The following BRINP1 variants were observed in gnomAD, a reference collection of about 807,000 sequenced individuals.
BRINP1 encodes BMP/retinoic acid inducible neural specific 1.
A neutral mutation model predicts 72.9 loss-of-function variants in BRINP1; 17 were observed. The ratio of observed to expected loss-of-function variants is 0.23; its 90% CI spans 0.16 to 0.35. The LOEUF is 0.35. Among genes scored for constraint, BRINP1 ranks in the 10% least tolerant of loss-of-function variants. The pLI is 1.00. For missense variants in BRINP1, 850 were observed against 1,001.6 expected, an observed-to-expected ratio of 0.85 and a Z score of 2.04; for synonymous variants, 418 against 378.5, an observed-to-expected ratio of 1.10 and a Z score of -1.21.
chr9:119,174,977 G>A (rs972648217), intron 7 of BRINP1, among the ~76,000 whole-genome samples: 1 of 150,130 alleles, frequency 6.7e-6, no homozygotes, highest in Non-Finnish European at 1.5e-5. Context: ...TGGGGTGGGG[G>A]GAGGAGGGAG....
At chr9:119,351,956 C>A (rs1263126234) in intron 1 of BRINP1, among the ~76,000 whole-genome samples, 2 of 152,040 alleles carry the variant, frequency 1.3e-5, no homozygotes, top group Non-Finnish European at 2.9e-5. Context: ...CAGGCATCCA[C>A]CACCATGCCC....
chr9:119,332,856 T>C (rs534500851), intron 1 of BRINP1, among the ~76,000 whole-genome samples: 1 of 152,104 alleles, frequency 6.6e-6, no homozygotes, highest in African/African-American at 2.4e-5. Flanking sequence ...AGCCAATGAA[T>C]TGGGTGAGGT....
rs376844874 is a variant in BRINP1, at chr9:119,167,633, G to A, written c.1737C>T (p.Phe579=). ...GSHSEGWNMP[F]GEFGYPRWEK... is the part of the protein sequence containing the mutation. ...CCCAGCGTGGGTAGCCAAATTCCCC[G>A]AAGGGCATGTTCCAGCCCTCCGAAT... The change falls in exon 8 of 8, where the codon TTC becomes TTT. Residue 579 remains phenylalanine, a synonymous_variant. Coordinates refer to ENST00000265922, the MANE Select transcript of BRINP1 (RefSeq NM_014618.3). The surrounding 1 kb of genome is among the most constrained non-coding windows in gnomAD (Gnocchi z 4.3). The A allele has an allele frequency of 1.5e-5, 25 of 1,613,954 alleles. No homozygotes were observed. Among genetic ancestry groups the A allele is most frequent in the South Asian group, 1.3e-4 (12 of 91,086 alleles).
At chr9:119,325,144 G>A (rs1177568440) in intron 1 of BRINP1, among the ~76,000 whole-genome samples, 1 of 151,902 alleles carries the variant, frequency 6.6e-6, no homozygotes, top group Non-Finnish European at 1.5e-5. Context: ...AAGAGAGAAA[G>A]AGAGAAAGAG....
At position 119,344,337 on chromosome 9, in the gene BRINP1, C is replaced by T. The variant is rs180672696; in HGVS notation, c.-51+24719G>A. Among the ~76,000 whole-genome samples the T allele has an allele frequency of 2.0e-5, 3 of 152,216 alleles. No homozygotes were observed. The East Asian group carries it at 5.8e-4, about 29-fold the overall frequency. ...ATACATATAAATACATATGTATAAA[C>T]ACACACACATAGTCTAGCACTCTCA... On this transcript the variant is annotated intron_variant, in intron 1 of 7. Transcript: ENST00000265922.
chr9:119,167,807 G>T lies in BRINP1; in HGVS notation c.1563C>A (p.Arg521=). ...RLDTFFDPRW[R]KRMSLTLKSN... is the part of the protein sequence containing the mutation. ...TCTTGAGAGTGAGGGACATGCGCTT[G>T]CGCCACCGAGGGTCAAAGAAGGTGT... The change falls in exon 8 of 8, where the codon CGC becomes CGA. Residue 521 remains arginine, a synonymous_variant. Coordinates refer to ENST00000265922, the MANE Select transcript of BRINP1 (RefSeq NM_014618.3). This position sits in a 1 kb window ranked among gnomAD's most constrained non-coding sequence, Gnocchi z 4.3. The T allele has an allele frequency of 6.2e-7, 1 of 1,614,060 alleles. No individual in the cohort carries two copies. The highest frequency in any genetic ancestry group is 8.5e-7 in the Non-Finnish European group (1 of 1,180,020).
chr9:119,363,571 C>T (rs547006559), intron 1 of BRINP1, among the ~76,000 whole-genome samples: 10 of 152,322 alleles, frequency 6.6e-5, no homozygotes, highest in South Asian at 4.1e-4. Context: ...CACATTACCA[C>T]GACTAGTGGT....
In BRINP1 at chr9:119,332,692, A is replaced by G. The variant is rs1383898234; in HGVS notation, c.-50-19287T>C. 2.6e-5 allele frequency among the ~76,000 whole-genome samples: 4 copies of G among 152,152 alleles called. No individual in the cohort carries two copies. In the East Asian group the frequency reaches 7.7e-4, roughly 29 times the overall value. On this transcript the variant is annotated intron_variant, in intron 1 of 7. Transcript: ENST00000265922. ...ATGCAGAGCAGGCTCTCGAGCTAAC[A>G]TGACTCAGCCAAGCCAAGATTAGAG...
chr9:119,177,190 T>C (rs1829499080), intron 7 of BRINP1, among the ~76,000 whole-genome samples: 1 of 152,234 alleles, frequency 6.6e-6, no homozygotes, highest in Non-Finnish European at 1.5e-5. Context: ...AACAAACTTC[T>C]ACCTCTCCCC....
chr9:119,259,180 T>A (rs1197481841), intron 2 of BRINP1, among the ~76,000 whole-genome samples: 2 of 152,216 alleles, frequency 1.3e-5, no homozygotes, highest in African/African-American at 4.8e-5. Context: ...GAGCACAGAC[T>A]TTACGGTCGG....
At chr9:119,361,420 T>C (rs946237412) in intron 1 of BRINP1, among the ~76,000 whole-genome samples, 1 of 151,998 alleles carries the variant, frequency 6.6e-6, no homozygotes, top group African/African-American at 2.4e-5. Context: ...ATATCAGGAG[T>C]TGCCACCATG....
chr9:119,194,346 C>T (rs143426501), intron 7 of BRINP1, among the ~76,000 whole-genome samples: 62 of 152,238 alleles, frequency 4.1e-4, no homozygotes, highest in African/African-American at 1.4e-3. Context: ...CTATTATTCC[C>T]GAACTATGCT....
chr9:119,208,587 G>C, intron 7 of BRINP1, 132 bp downstream of exon 7: 1 of 817,730 alleles, frequency 1.2e-6, no homozygotes, highest in Non-Finnish European at 2.0e-6. Flanking sequence ...GAAAATTGTT[G>C]GTCTGGACCA....
chr9:119,251,476 T>C lies in BRINP1; in HGVS notation c.219-2326A>G, dbSNP rs112242828. Among the ~76,000 whole-genome samples, 199 of 152,216 alleles carry C rather than the reference T, an allele frequency of 1.3e-3. 2 individuals carry two copies. The highest frequency in any genetic ancestry group is 4.6e-3 in the African/African-American group (192 of 41,542). ...AAAACAAAAACAGCCAGAATGGTGG[T>C]GCACGCCTGTAGCCCCAGCCACTCA... On this transcript the variant is annotated intron_variant, in intron 2 of 7. Transcript: ENST00000265922.
intron 1 of BRINP1, among the ~76,000 whole-genome samples, chr9:119,339,901 T>C (rs1286022986): frequency 6.6e-6 from 1 of 152,180 alleles, no homozygotes; most frequent in African/African-American, 2.4e-5. Context: ...TGAGTTCTCA[T>C]GAACAGTCTT....
At position 119,216,809 on chromosome 9, in the gene BRINP1, G is replaced by A. The variant is rs888009866; in HGVS notation, c.686-2654C>T. 9.2e-5 allele frequency among the ~76,000 whole-genome samples: 14 copies of A among 152,232 alleles called. 1 individual carries two copies. Among genetic ancestry groups the A allele is most frequent in the African/African-American group, 2.6e-4 (11 of 41,528 alleles). On this transcript the variant is annotated intron_variant, in intron 5 of 7. Coordinates refer to ENST00000265922, the MANE Select transcript of BRINP1 (RefSeq NM_014618.3). ...GGGGAGAGCATTTATAGAAAATTGC[G>A]TCAAATCATTTTTCCATTTGGCAAG...
intron 7 of BRINP1, among the ~76,000 whole-genome samples, chr9:119,169,558 G>A (rs945568525): frequency 1.3e-5 from 2 of 152,218 alleles, no homozygotes; most frequent in Non-Finnish European, 2.9e-5. Context: ...TGGGGGAGGG[G>A]CGCCCGCCAT....
intron 2 of BRINP1, among the ~76,000 whole-genome samples, chr9:119,273,734 G>A (rs1365760472): frequency 6.6e-6 from 1 of 152,136 alleles, no homozygotes; most frequent in Non-Finnish European, 1.5e-5. Context: ...TACCTACTCT[G>A]AGCCATGGGT....
intron 1 of BRINP1, among the ~76,000 whole-genome samples, chr9:119,331,892 G>C (rs551120455): frequency 6.6e-6 from 1 of 152,184 alleles, no homozygotes; most frequent in Non-Finnish European, 1.5e-5. Flanking sequence ...AATCTCTCTA[G>C]TAAGAAGTGT....
Sources: gnomAD v4.1 joint callset for allele counts (sites outside exome capture counted in the v4.1 genomes callset) on GRCh38, gnomAD v4.1.1 for gene constraint, Gnocchi (gnomAD v3.1) non-coding constraint, MANE v1.5 for transcripts, NCBI Gene and HGNC (gene_info 2026-07-23, HGNC 2026-07-21) for gene names.